NBPF10: variants seen among roughly 807,000 people sequenced by gnomAD.
The protein encoded by NBPF10 is NBPF member 10.
In NBPF10, 63 loss-of-function variants were observed where a neutral mutation model predicts 77.9. The ratio of observed to expected loss-of-function variants is 0.81; its 90% CI spans 0.66 to 1.00. NBPF10 has a LOEUF of 1.00. Among genes scored for constraint, NBPF10 ranks in the 50% least tolerant of loss-of-function variants. The pLI is 0.00. For synonymous variants in NBPF10, 146 were observed against 264.5 expected (o/e 0.55, Z 4.35); for missense variants, 522 against 679.8 (o/e 0.77, Z 2.58).
In NBPF10 at chr1:146,142,581, C is replaced by T; in HGVS notation, c.278+69G>A. The T allele has an allele frequency of 7.5e-6, 6 of 799,200 alleles. 2 individuals are homozygous for T. Among genetic ancestry groups the T allele is most frequent in the Non-Finnish European group, 1.2e-5 (6 of 498,828 alleles). 49.5% of individuals were successfully genotyped at this position (799,200 alleles called of 1,614,324 possible). On this transcript the variant is annotated intron_variant, in intron 2 of 89. Transcript: ENST00000583866. ...GGCCCAGCTTCGTTCTTACTTCTCC[C>T]CGCCGAGCTGCTGTACTTCAGAGAT...
chr1:146,067,228 C>A (rs782694097), exon 89 of NBPF10: 3 of 555,072 alleles, frequency 5.4e-6, no homozygotes, highest in African/African-American at 4.2e-5. Flanking sequence ...TCTTCCCCTT[C>A]TTCTTTCCTT....
Position 146,135,499 on chromosome 1 carries a change from C to A in NBPF10, c.1114G>T (p.Ala372Ser), listed in dbSNP as rs200242621. 1.9e-4 allele frequency: 142 copies of A among 744,498 alleles called. 6 individuals carry two copies. The East Asian group carries it at 2.9e-3, about 15-fold the overall frequency. The allele number at this position is 744,498 out of a possible 1,614,324, so 46.1% of individuals were successfully genotyped here. The change falls in exon 8 of 90, where the codon GCT (alanine) becomes TCT (serine). Residue 372 changes from alanine (A) to serine (S), a missense_variant. Around this residue, in one of 9 missense-constraint regions of NBPF10, gnomAD observed 45 missense variants for 121.0 expected, o/e 0.37. Transcript: ENST00000583866. ...AACTGGGTCAGCTCTCGTTCCTGAG[C>A]GTGAACCAGGACTTTATATTGCCTA...
intron 7 of NBPF10, among the ~76,000 whole-genome samples, 172 bp downstream of exon 7, chr1:146,136,181 A>G (rs1291345894): frequency 6.6e-6 from 1 of 151,796 alleles, no homozygotes; most frequent in African/African-American, 2.4e-5. Flanking sequence ...ACTGCAACCC[A>G]TACATTTTTA....
At chr1:146,126,534 A>C in intron 13 of NBPF10, 126 bp from the exon 14 acceptor site, 1 of 713,084 alleles carries the variant, frequency 1.4e-6, no homozygotes, top group East Asian at 2.7e-5. Flanking sequence ...TTAATGAGGT[A>C]ACAAATTATT....
chr1:146,123,475 G>GACACACACACAC (rs879248132), intron 17 of NBPF10, among the ~76,000 whole-genome samples, 197 bp from the exon 18 acceptor site: 1 of 33,672 alleles, frequency 3.0e-5, no homozygotes, highest in African/African-American at 1.2e-4. Context: ...AAGACAGATA[G>GACACACACACAC]ACACACACAC....
intron 13 of NBPF10, among the ~76,000 whole-genome samples, 181 bp from the exon 14 acceptor site, chr1:146,126,589 C>T (rs868928075): frequency 2.5e-4 from 26 of 105,328 alleles, no homozygotes; most frequent in Admixed American, 1.4e-3. Context: ...AAAGGATGAA[C>T]GAGAAAGACA....
At chr1:146,069,636 C>G (rs782784981) in exon 86 of NBPF10, 25 of 1,560,026 alleles carry the variant, frequency 1.6e-5, no homozygotes, top group Admixed American at 1.8e-5. Context: ...TCAAGACAAC[C>G]TGAAGGAGTT....
exon 3 of NBPF10, chr1:146,141,814 A>G: frequency 7.4e-7 from 1 of 1,342,368 alleles, no homozygotes; most frequent in African/African-American, 1.4e-5. Context: ...AGGACTTTAT[A>G]TTGCCTAAGG....
intron 5 of NBPF10, among the ~76,000 whole-genome samples, chr1:146,139,270 T>TA (rs1218254115): frequency 6.6e-6 from 1 of 150,816 alleles, no homozygotes; most frequent in Non-Finnish European, 1.5e-5. Context: ...CAGCTATTTT[T>TA]TTTTTTTTTT....
At chr1:146,067,860 T>G (rs1370183749) in intron 88 of NBPF10, 143 bp downstream of exon 88, 1 of 698,414 alleles carries the variant, frequency 1.4e-6, no homozygotes, top group Non-Finnish European at 2.6e-6. Flanking sequence ...GAGACTACAG[T>G]TTCATTACAA....
chr1:146,142,284 T>C lies in NBPF10; in HGVS notation c.278+366A>G, dbSNP rs1395803584. 1.7e-5 allele frequency among the ~76,000 whole-genome samples: 2 copies of C among 115,100 alleles called. 1 individual carries two copies. The highest frequency in any genetic ancestry group is 3.9e-5 in the Non-Finnish European group (2 of 51,556). The allele number at this position is 115,100 out of a possible 152,430, so 75.5% of individuals were successfully genotyped here. On this transcript the variant is annotated intron_variant, in intron 2 of 89. Coordinates refer to ENST00000583866, the Ensembl canonical transcript of NBPF10. ...AGGCAACATTGATTGAGTGAAAGAA[T>C]GAGAAGACGCAGTCAGTCAGGAGGT... is the stretch of plus-strand genomic sequence containing the variant.
intron 77 of NBPF10, among the ~76,000 whole-genome samples, chr1:146,076,298 CACACAGA>C (rs1656046420): frequency 8.5e-5 from 1 of 11,832 alleles, no homozygotes; most frequent in African/African-American, 1.7e-4. Context: ...CACACACACA[CACACAGA>C]GAGAGAGAGA....
chr1:146,132,923 A>AG (rs1469166281), intron 10 of NBPF10, among the ~76,000 whole-genome samples: 1 of 35,932 alleles, frequency 2.8e-5, no homozygotes, highest in East Asian at 3.9e-4. Context: ...CAAAAAAAAA[A>AG]AAAAAAAAAA....
At chr1:146,138,813 C>T (rs1659974274) in intron 5 of NBPF10, among the ~76,000 whole-genome samples, 1 of 142,122 alleles carries the variant, frequency 7.0e-6, no homozygotes, top group East Asian at 2.1e-4. Flanking sequence ...GAGACGGAGT[C>T]TCACTCTGTC....
Position 146,068,136 on chromosome 1 carries a change from G to C in NBPF10, c.10902C>G (p.Val3634=), listed in dbSNP as rs1374543341. The C allele has an allele frequency of 1.6e-5, 8 of 489,058 alleles. No individual in the cohort carries two copies. The Admixed American group carries it at 2.5e-4, about 15-fold the overall frequency. The allele number at this position is 489,058 out of a possible 1,614,324, so 30.3% of individuals were successfully genotyped here. The change falls in exon 88 of 90, where the codon GTC becomes GTG. Residue 3634 remains valine, a synonymous_variant. Transcript: ENST00000583866. ...AACATCTATCCAGTGAGTCCTGCAA[G>C]ACTTCAGGCTCTTTCTCATCCAGCA... is the stretch of plus-strand genomic sequence containing the variant.
intron 19 of NBPF10, among the ~76,000 whole-genome samples, 163 bp from the exon 20 acceptor site, chr1:146,121,833 C>A (rs1658206630): frequency 2.7e-5 from 4 of 149,274 alleles, no homozygotes; most frequent in Non-Finnish European, 5.9e-5. Flanking sequence ...AGAACAGGGC[C>A]AGGTAGAAAA....
intron 14 of NBPF10, among the ~76,000 whole-genome samples, chr1:146,126,022 C>G (rs587623288): frequency 2.4e-4 from 37 of 151,866 alleles, no homozygotes; most frequent in African/African-American, 8.0e-4. Context: ...GTGCCACAGG[C>G]ATGGCCTGAG....
At chr1:146,143,785 C>T (rs10752821) in intron 1 of NBPF10, among the ~76,000 whole-genome samples, 36 of 136,244 alleles carry the variant, frequency 2.6e-4, no homozygotes, top group Middle Eastern at 3.6e-3. Flanking sequence ...AGTCTTGCCC[C>T]GTCACCCATG....
At chr1:146,069,877 C>T (rs1235875220) in intron 85 of NBPF10, among the ~76,000 whole-genome samples, 162 bp from the exon 86 acceptor site, 4 of 117,108 alleles carry the variant, frequency 3.4e-5, no homozygotes, top group Admixed American at 8.5e-5. Context: ...CAGAACAGGG[C>T]CAGGTAGAAA....
Sources: gnomAD v4.1 joint callset for allele counts (sites outside exome capture counted in the v4.1 genomes callset) on GRCh38, gnomAD v4.1.1 for gene constraint, gnomAD v4.1.1 regional missense constraint, MANE v1.5 for transcripts, NCBI Gene and HGNC (gene_info 2026-07-23, HGNC 2026-07-21) for gene names.